The following S100Z variants were observed in gnomAD, a reference collection of about 807,000 sequenced individuals.
S100Z encodes the protein protein S100-Z.
In S100Z, 11 loss-of-function variants were observed where a neutral mutation model predicts 8.5. The observed-to-expected ratio is 1.30, with a 90% CI of 0.82 to 2.15. S100Z has a LOEUF of 2.15. Ranked by LOEUF, S100Z falls within the 30% of genes most tolerant of loss-of-function variation. The pLI is 0.00. For missense variants in S100Z, 126 were observed against 117.9 expected, an observed-to-expected ratio of 1.07 and a Z score of -0.32; for synonymous variants, 34 against 43.8, an observed-to-expected ratio of 0.78 and a Z score of 0.89.
At chr5:76,862,131 GT>G in intron 1 of S100Z, among the ~76,000 whole-genome samples, 1 of 62,582 alleles carries the variant, frequency 1.6e-5, no homozygotes, top group Non-Finnish European at 3.4e-5. Context: ...AGGAGTGTGC[GT>G]GTGTGTGTGT....
At chr5:76,952,434 G>A in the S100Z span, among the ~76,000 whole-genome samples, 1 of 152,210 alleles carries the variant, frequency 6.6e-6, no homozygotes, top group African/African-American at 2.4e-5. Context: ...TGAAAGAAAT[G>A]CCTATAAGAA....
In S100Z at chr5:76,906,972, GTGTGTATATATATATATATATA is replaced by G. The variant is rs1407523213; in HGVS notation, c.*3-13743_*3-13722del. ...AAGGCTGAATAGTATTCCATTGTGT[GTGTGTATATATATATATATATA>G]TATATATATATATATATATATATAT... On this transcript the variant is annotated intron_variant, in intron 4 of 4. Coordinates refer to ENST00000317593, the MANE Select transcript of S100Z (RefSeq NM_130772.4). Among the ~76,000 whole-genome samples the G allele has an allele frequency of 7.2e-4, 22 of 30,450 alleles. 1 individual carries two copies. Among genetic ancestry groups the G allele is most frequent in the African/African-American group, 2.7e-3 (22 of 8,128 alleles). 20.0% of individuals were successfully genotyped at this position (30,450 alleles called of 152,430 possible). A position where few individuals can be genotyped will look rare whatever the true frequency, so the allele number is the denominator to read the frequency against.
the S100Z span, among the ~76,000 whole-genome samples, chr5:76,928,813 C>T: frequency 6.6e-6 from 1 of 152,244 alleles, no homozygotes; most frequent in Non-Finnish European, 1.5e-5. Flanking sequence ...AATCACGGCA[C>T]ATTACAGCCT....
intron 4 of S100Z, among the ~76,000 whole-genome samples, chr5:76,886,569 C>G (rs553872600): frequency 4.7e-4 from 71 of 152,110 alleles, no homozygotes; most frequent in African/African-American, 1.6e-3. Context: ...TCCCGCTGAC[C>G]GGGGTCTTTG....
intron 4 of S100Z, among the ~76,000 whole-genome samples, chr5:76,887,994 A>AC (rs1743708138): frequency 6.6e-6 from 1 of 152,074 alleles, no homozygotes; most frequent in African/African-American, 2.4e-5. Flanking sequence ...ACGGTGGCTC[A>AC]CATCTGTAAT....
chr5:76,876,400 G>A (rs973997725), intron 3 of S100Z, among the ~76,000 whole-genome samples: 1 of 147,310 alleles, frequency 6.8e-6, no homozygotes, highest in African/African-American at 2.6e-5. Context: ...ATGGAGTCTT[G>A]CTGTGTCTCC....
At chr5:76,936,335 AG>A in the S100Z span, among the ~76,000 whole-genome samples, 1 of 152,172 alleles carries the variant, frequency 6.6e-6, no homozygotes, top group African/African-American at 2.4e-5. Context: ...ATTGCAAATT[AG>A]TATGTGCACT....
chr5:76,942,706 A>C, the S100Z span, among the ~76,000 whole-genome samples: 1 of 152,178 alleles, frequency 6.6e-6, no homozygotes, highest in Non-Finnish European at 1.5e-5. Context: ...GGCACCAGTC[A>C]GCTTGTTTTT....
chr5:76,915,304 C>CAAAAA (rs60682268), intron 4 of S100Z, among the ~76,000 whole-genome samples: 1 of 103,632 alleles, frequency 9.6e-6, no homozygotes. Flanking sequence ...GACTCCATCT[C>CAAAAA]AAAAAAAAAA....
intron 4 of S100Z, among the ~76,000 whole-genome samples, chr5:76,883,303 G>A (rs1743479833): frequency 6.6e-6 from 1 of 152,152 alleles, no homozygotes; most frequent in African/African-American, 2.4e-5. Context: ...GCAATGAGGT[G>A]TGCTTGTAGC....
At chr5:76,923,700 A>G (rs1745086013), downstream of S100Z, among the ~76,000 whole-genome samples, 1 of 152,234 alleles carries the variant, frequency 6.6e-6, no homozygotes, top group African/African-American at 2.4e-5. Context: ...CCATAGCTCC[A>G]TCATGGGCAA....
chr5:76,939,228 C>T, the S100Z span, among the ~76,000 whole-genome samples: 2 of 151,202 alleles, frequency 1.3e-5, no homozygotes, highest in Non-Finnish European at 2.9e-5. Flanking sequence ...TCTCGGCTCA[C>T]TGCAAGCTCC....
At chr5:76,913,626 T>A (rs1317459863) in intron 4 of S100Z, among the ~76,000 whole-genome samples, 3 of 152,232 alleles carry the variant, frequency 2.0e-5, no homozygotes, top group Non-Finnish European at 4.4e-5. Flanking sequence ...ATTATCCTAC[T>A]ACCACACACT....
chr5:76,912,659 G>C (rs1744710124), intron 4 of S100Z, among the ~76,000 whole-genome samples: 1 of 152,228 alleles, frequency 6.6e-6, no homozygotes, highest in Admixed American at 6.5e-5. Flanking sequence ...CCTCTGGGGG[G>C]AACCCCCATA....
At chr5:76,900,624 T>C (rs1744196824) in intron 4 of S100Z, among the ~76,000 whole-genome samples, 1 of 152,232 alleles carries the variant, frequency 6.6e-6, no homozygotes, top group African/African-American at 2.4e-5. Context: ...GAATTCTGAA[T>C]TCCTTCTCTG....
At position 76,852,059 on chromosome 5, in the gene S100Z, TAAA is replaced by T. The variant is rs200830665; in HGVS notation, c.-176+1915_-176+1917del. Among the ~76,000 whole-genome samples the T allele has an allele frequency of 2.8e-3, 406 of 145,366 alleles. 1 individual carries two copies. Among genetic ancestry groups the T allele is most frequent in the African/African-American group, 9.3e-3 (377 of 40,326 alleles). ...AATTAAAATTTCTCACTTTTTCTTT[TAAA>T]AAAAAAAAAAGTGAAGTTCTGGGAG... On this transcript the variant is annotated intron_variant, in intron 1 of 4. Coordinates refer to ENST00000317593, the MANE Select transcript of S100Z (RefSeq NM_130772.4).
At chr5:76,928,113 C>T in the S100Z span, among the ~76,000 whole-genome samples, 4 of 152,148 alleles carry the variant, frequency 2.6e-5, no homozygotes, top group South Asian at 8.3e-4. Flanking sequence ...TTTAGGAGCA[C>T]CCGAGTCAGT....
At chr5:76,867,235 T>TC (rs1168788709) in intron 1 of S100Z, among the ~76,000 whole-genome samples, 1 of 152,188 alleles carries the variant, frequency 6.6e-6, no homozygotes, top group Non-Finnish European at 1.5e-5. Flanking sequence ...TGTCCACCCT[T>TC]CTGAGGTCCG....
chr5:76,881,055 G>A (rs1335603351), intron 4 of S100Z, among the ~76,000 whole-genome samples: 4 of 152,134 alleles, frequency 2.6e-5, no homozygotes, highest in Non-Finnish European at 5.9e-5. Flanking sequence ...AAGAATAAGA[G>A]CAAGTATAAA....
Sources: gnomAD v4.1 joint callset for allele counts (sites outside exome capture counted in the v4.1 genomes callset) on GRCh38, gnomAD v4.1.1 for gene constraint, MANE v1.5 for transcripts, NCBI Gene and HGNC (gene_info 2026-07-23, HGNC 2026-07-21) for gene names.